The following PPARG variants were observed in gnomAD, a reference collection of about 807,000 sequenced individuals.
PPARG encodes peroxisome proliferator activated receptor gamma.
In PPARG, 17 loss-of-function variants were observed where a neutral mutation model predicts 39.2. That is an observed-to-expected ratio of 0.43 (90% confidence interval 0.30 to 0.65). The LOEUF (loss-of-function observed/expected upper bound fraction) is 0.65, where lower values mean the gene tolerates loss of function less well. Ranked by LOEUF, PPARG falls within the 30% of genes least tolerant of loss-of-function variation. PPARG has a pLI of 0.13. For missense variants in PPARG, 406 were observed against 585.9 expected (o/e 0.69, Z 3.17); for synonymous variants, 223 against 215.7 (o/e 1.03, Z -0.30).
chr3:12,394,897 T>C (rs945510649), intron 5 of PPARG, among the ~76,000 whole-genome samples: 1 of 152,218 alleles, frequency 6.6e-6, no homozygotes, highest in Non-Finnish European at 1.5e-5. Flanking sequence ...GCTCTGAGTG[T>C]TATACCAAAA....
intron 2 of PPARG, among the ~76,000 whole-genome samples, chr3:12,359,434 G>A (rs1230749623): frequency 6.6e-6 from 1 of 152,046 alleles, no homozygotes; most frequent in Non-Finnish European, 1.5e-5. Context: ...TAGCTTGAAT[G>A]GATTTAACCC....
chr3:12,423,090 C>G (rs186449084), intron 7 of PPARG, among the ~76,000 whole-genome samples: 2 of 152,224 alleles, frequency 1.3e-5, no homozygotes, highest in African/African-American at 4.8e-5. Flanking sequence ...GTTCAGCCAG[C>G]AGGTACCTGG....
At chr3:12,350,303 C>G (rs1198057363) in intron 2 of PPARG, among the ~76,000 whole-genome samples, 2 of 152,146 alleles carry the variant, frequency 1.3e-5, no homozygotes, top group Non-Finnish European at 2.9e-5. Context: ...TCAACTCCCC[C>G]ACTTTATTCC....
At chr3:12,396,625 G>C (rs1290139619) in intron 5 of PPARG, among the ~76,000 whole-genome samples, 1 of 151,960 alleles carries the variant, frequency 6.6e-6, no homozygotes, top group East Asian at 1.9e-4. Context: ...GGGCGTGATG[G>C]CTTGTGCCTG....
intron 2 of PPARG, among the ~76,000 whole-genome samples, chr3:12,340,287 C>T (rs998343762): frequency 2.0e-5 from 3 of 152,234 alleles, no homozygotes; most frequent in African/African-American, 7.2e-5. Context: ...TCCGTCTTCT[C>T]ATTTCAATGT....
At chr3:12,394,027 A>G (rs1356106998) in intron 5 of PPARG, among the ~76,000 whole-genome samples, 6 of 152,180 alleles carry the variant, frequency 3.9e-5, no homozygotes, top group Admixed American at 6.5e-5. Flanking sequence ...AACTGTAGTC[A>G]TGGATTGCAA....
chr3:12,384,442 C>CT (rs1299925954), intron 4 of PPARG, among the ~76,000 whole-genome samples: 1 of 151,996 alleles, frequency 6.6e-6, no homozygotes, highest in Non-Finnish European at 1.5e-5. Context: ...AAAAAGGAAA[C>CT]TTTTTTTGAA....
In PPARG at chr3:12,434,325, A is replaced by G. The variant is rs2051788065; in HGVS notation, c.*180A>G. ...CATTTACAATTTACTTTTAATATTA[A>G]AAATTACCATATTATGAAATTGCTG... is the stretch of plus-strand genomic sequence containing the variant. On this transcript the variant is annotated 3_prime_UTR_variant, in exon 8 of 8. Coordinates refer to ENST00000651735, the MANE Select transcript of PPARG (RefSeq NM_138711.6). The surrounding 1 kb of genome is among the most constrained non-coding windows in gnomAD (Gnocchi z 4.2). The G allele has an allele frequency of 6.1e-6, 5 of 813,492 alleles. No individual in the cohort carries two copies. The highest frequency in any genetic ancestry group is 9.6e-6 in the Non-Finnish European group (5 of 522,874). The allele number at this position is 813,492 out of a possible 1,614,324, so 50.4% of individuals were successfully genotyped here. A position where few individuals can be genotyped will look rare whatever the true frequency, so the allele number is the denominator to read the frequency against.
At chr3:12,385,062 G>GTACTGACAGCCAGTACTGACAGACC (rs2049822919) in intron 4 of PPARG, among the ~76,000 whole-genome samples, 1 of 152,152 alleles carries the variant, frequency 6.6e-6, no homozygotes, top group Admixed American at 6.6e-5. Context: ...CATTAGACCA[G>GTACTGACAGCCAGTACTGACAGACC]TGGCTGTCAG....
intron 2 of PPARG, among the ~76,000 whole-genome samples, chr3:12,356,904 G>A (rs1339238046): frequency 6.6e-6 from 1 of 151,886 alleles, no homozygotes; most frequent in African/African-American, 2.4e-5. Context: ...TTTTCAAATC[G>A]TCCCTGTCCT....
intron 7 of PPARG, among the ~76,000 whole-genome samples, chr3:12,425,808 C>T (rs553842240): frequency 9.9e-5 from 15 of 152,278 alleles, no homozygotes; most frequent in African/African-American, 2.2e-4. Flanking sequence ...ATGACTAGAA[C>T]GACAGGGGGC....
chr3:12,392,781 T>C (rs1365008551), intron 5 of PPARG, 29 bp downstream of exon 5: 4 of 1,612,890 alleles, frequency 2.5e-6, no homozygotes, highest in Middle Eastern at 1.6e-4. Context: ...CCATATACTT[T>C]ATTATTCTCA....
chr3:12,292,539 G>A (rs190412932), intron 1 of PPARG, among the ~76,000 whole-genome samples: 1 of 151,836 alleles, frequency 6.6e-6, no homozygotes, highest in South Asian at 2.1e-4. Context: ...TTAGTGGCTT[G>A]AAAGGTTCAG....
chr3:12,405,716 T>G (rs913800403), intron 5 of PPARG, among the ~76,000 whole-genome samples, 166 bp from the exon 6 acceptor site: 1 of 152,220 alleles, frequency 6.6e-6, no homozygotes, highest in Admixed American at 6.5e-5. Flanking sequence ...TCTGTGCTAC[T>G]TTTGTGAAAT....
chr3:12,417,901 C>CTTTTTTTTTTTTTTTTTTTTTTTT (rs1559533744), intron 7 of PPARG, among the ~76,000 whole-genome samples: 1 of 46,156 alleles, frequency 2.2e-5, no homozygotes. Flanking sequence ...TTTTTTTTTT[C>CTTTTTTTTTTTTTTTTTTTTTTTT]CTTTTTTTTT....
intron 7 of PPARG, among the ~76,000 whole-genome samples, chr3:12,433,028 G>A (rs889593881): frequency 1.3e-5 from 2 of 152,222 alleles, no homozygotes; most frequent in African/African-American, 4.8e-5. Flanking sequence ...TCTTACCACT[G>A]AAAAGAAACC....
chr3:12,378,991 G>T (rs1411587863), intron 2 of PPARG, among the ~76,000 whole-genome samples: 2 of 151,714 alleles, frequency 1.3e-5, no homozygotes, highest in Non-Finnish European at 2.9e-5. Context: ...GGTTTTTTGG[G>T]TTTTTTTGTT....
At chr3:12,343,736 A>G (rs2048249241) in intron 2 of PPARG, among the ~76,000 whole-genome samples, 1 of 152,028 alleles carries the variant, frequency 6.6e-6, no homozygotes, top group Non-Finnish European at 1.5e-5. Context: ...TTCTATCCCT[A>G]GTTATGTGAT....
intron 7 of PPARG, among the ~76,000 whole-genome samples, chr3:12,433,441 G>A (rs1415171850): frequency 6.6e-6 from 1 of 152,004 alleles, no homozygotes; most frequent in African/African-American, 2.4e-5. Flanking sequence ...AGGAGGCTGA[G>A]GCAGGAGAAT....
Sources: gnomAD v4.1 joint callset for allele counts (sites outside exome capture counted in the v4.1 genomes callset) on GRCh38, gnomAD v4.1.1 for gene constraint, Gnocchi (gnomAD v3.1) non-coding constraint, MANE v1.5 for transcripts, NCBI Gene and HGNC (gene_info 2026-07-23, HGNC 2026-07-21) for gene names.